The following MAGI2 variants were observed in gnomAD, a reference collection of about 807,000 sequenced individuals.
MAGI2 encodes the protein membrane-associated guanylate kinase, WW and PDZ domain-containing protein 2.
A neutral mutation model predicts 133.3 loss-of-function variants in MAGI2; 35 were observed. The observed-to-expected ratio is 0.26, with a 90% confidence interval of 0.20 to 0.35. MAGI2 has a LOEUF of 0.35. Among genes scored for constraint, MAGI2 ranks in the 10% least tolerant of loss-of-function variants. The pLI is 1.00. For synonymous variants in MAGI2, 729 were observed against 710.6 expected (o/e 1.03, Z -0.41); for missense variants, 1,636 against 1,863.4 (o/e 0.88, Z 2.25).
chr7:78,378,448 C>T (rs1794644629), intron 6 of MAGI2, among the ~76,000 whole-genome samples: 1 of 151,802 alleles, frequency 6.6e-6, no homozygotes, highest in South Asian at 2.1e-4. Context: ...AAAATACATA[C>T]CAGTAAGACA....
At chr7:78,058,559 C>T (rs1271046120) in intron 21 of MAGI2, among the ~76,000 whole-genome samples, 2 of 151,546 alleles carry the variant, frequency 1.3e-5, no homozygotes, top group African/African-American at 2.4e-5. Flanking sequence ...GCAAACTCCG[C>T]CTCCCGGGTT....
intron 9 of MAGI2, among the ~76,000 whole-genome samples, chr7:78,339,152 C>G (rs969580796): frequency 2.0e-5 from 3 of 152,212 alleles, no homozygotes; most frequent in African/African-American, 7.2e-5. Flanking sequence ...AGAAACAGTT[C>G]TGTGTTCTTC....
chr7:78,546,458 T>G (rs1026997404), intron 3 of MAGI2, among the ~76,000 whole-genome samples: 2 of 152,160 alleles, frequency 1.3e-5, no homozygotes, highest in Admixed American at 6.5e-5. Flanking sequence ...AAGAAAAGCA[T>G]AAGAAAGATA....
chr7:79,057,016 G>A (rs923329128), intron 1 of MAGI2, among the ~76,000 whole-genome samples: 1 of 152,148 alleles, frequency 6.6e-6, no homozygotes, highest in Non-Finnish European at 1.5e-5. Flanking sequence ...CTCCTGTGGT[G>A]GGGTCAGTAT....
At chr7:79,155,414 AG>A (rs1823675423) in intron 1 of MAGI2, among the ~76,000 whole-genome samples, 1 of 152,032 alleles carries the variant, frequency 6.6e-6, no homozygotes, top group Admixed American at 6.6e-5. Context: ...TCTAGTGGGG[AG>A]GGGGGCCATG....
intron 3 of MAGI2, among the ~76,000 whole-genome samples, chr7:78,595,212 C>A (rs1804469745): frequency 6.6e-6 from 1 of 152,112 alleles, no homozygotes; most frequent in African/African-American, 2.4e-5. Flanking sequence ...AGATGTTCCA[C>A]AACTTTCCTC....
At chr7:78,346,951 G>A (rs1790978066) in intron 7 of MAGI2, among the ~76,000 whole-genome samples, 1 of 152,174 alleles carries the variant, frequency 6.6e-6, no homozygotes, top group Admixed American at 6.5e-5. Context: ...CTCTTGGCCA[G>A]TTACTATGTA....
intron 6 of MAGI2, among the ~76,000 whole-genome samples, chr7:78,420,078 T>C (rs1798659391): frequency 1.3e-5 from 2 of 152,166 alleles, no homozygotes; most frequent in South Asian, 4.1e-4. Flanking sequence ...TATAGTTGTA[T>C]GCCACAACGA....
rs573235668 is a variant in MAGI2, at chr7:78,954,663, G to A, written c.418+52427C>T. On this transcript the variant is annotated intron_variant, in intron 2 of 21. Coordinates refer to ENST00000354212, the MANE Select transcript of MAGI2 (RefSeq NM_012301.4). ...CTCACTTTTAAAGTTCTGGCCAAAG[G>A]TCTAGAGAATAATTTTTCCCTGCAT... Among the ~76,000 whole-genome samples the A allele has an allele frequency of 1.9e-3, 293 of 152,222 alleles. 1 individual carries two copies. The highest frequency in any genetic ancestry group is 6.9e-3 in the African/African-American group (286 of 41,536).
At chr7:79,006,971 T>C (rs543414015) in intron 2 of MAGI2, 119 bp downstream of exon 2, 2 of 685,630 alleles carry the variant, frequency 2.9e-6, no homozygotes, top group Admixed American at 3.0e-5. Context: ...AAATAAGTTT[T>C]CTGTTCCAAA....
At chr7:79,418,873 A>G (rs988100417) in intron 1 of MAGI2, among the ~76,000 whole-genome samples, 2 of 90,110 alleles carry the variant, frequency 2.2e-5, no homozygotes, top group Non-Finnish European at 4.0e-5. Flanking sequence ...ACACACGCAC[A>G]CACACACACA....
intron 2 of MAGI2, among the ~76,000 whole-genome samples, chr7:78,730,707 T>C (rs1198637133): frequency 5.3e-5 from 8 of 152,110 alleles, no homozygotes; most frequent in Non-Finnish European, 1.2e-4. Flanking sequence ...AAACATAAAG[T>C]AGTACCATAT....
chr7:78,112,894 A>T (rs1037223474), intron 20 of MAGI2, among the ~76,000 whole-genome samples: 20 of 152,222 alleles, frequency 1.3e-4, no homozygotes, highest in Non-Finnish European at 2.8e-4. Flanking sequence ...ACAGCCAATG[A>T]CAGGTGGATG....
intron 6 of MAGI2, among the ~76,000 whole-genome samples, chr7:78,469,557 A>G (rs530290816): frequency 9.2e-5 from 14 of 151,646 alleles, no homozygotes; most frequent in African/African-American, 3.1e-4. Flanking sequence ...TAGCCCAGGT[A>G]AAAAAAAAGA....
chr7:78,970,190 T>A (rs2115960309), intron 2 of MAGI2, among the ~76,000 whole-genome samples: 1 of 152,130 alleles, frequency 6.6e-6, no homozygotes. Flanking sequence ...GTAAGAAAAC[T>A]GTGACCTACA....
At chr7:78,665,902 C>G (rs1037318721) in intron 2 of MAGI2, among the ~76,000 whole-genome samples, 1 of 152,022 alleles carries the variant, frequency 6.6e-6, no homozygotes, top group African/African-American at 2.4e-5. Flanking sequence ...CTTTATGGAG[C>G]TTACAGTTTA....
chr7:78,883,746 A>G (rs1311440102), intron 2 of MAGI2, among the ~76,000 whole-genome samples: 1 of 152,196 alleles, frequency 6.6e-6, no homozygotes, highest in African/African-American at 2.4e-5. Context: ...AAAAAAAAGC[A>G]ATGGGGGAAA....
At chr7:79,089,035 A>C (rs945093540) in intron 1 of MAGI2, among the ~76,000 whole-genome samples, 1 of 151,992 alleles carries the variant, frequency 6.6e-6, no homozygotes. Context: ...GGAGAAAAAA[A>C]TTTTCCAATC....
At chr7:79,438,549 A>G (rs1177897306) in intron 1 of MAGI2, among the ~76,000 whole-genome samples, 1 of 152,068 alleles carries the variant, frequency 6.6e-6, no homozygotes, top group East Asian at 1.9e-4. Context: ...AGCTAAAGCC[A>G]TTTCCCCTGT....
Sources: allele counts gnomAD v4.1 joint callset (sites outside exome capture counted in the v4.1 genomes callset), GRCh38; gene constraint gnomAD v4.1.1; transcripts MANE v1.5; gene names NCBI Gene and HGNC (gene_info 2026-07-23, HGNC 2026-07-21).